Variants in TMCC3 observed in about 807,000 individuals in gnomAD.
TMCC3 encodes the protein transmembrane and coiled-coil domain protein 3.
A neutral mutation model predicts 40.2 loss-of-function variants in TMCC3; 28 were observed. That is an observed-to-expected ratio of 0.70 (90% CI 0.52 to 0.95). TMCC3 has a LOEUF of 0.95. Ranked by LOEUF, TMCC3 falls within the 40% of genes least tolerant of loss-of-function variation. The pLI is 0.00. For synonymous variants in TMCC3, 255 were observed against 248.5 expected (o/e 1.03, Z -0.25); for missense variants, 554 against 615.2 (o/e 0.90, Z 1.05).
At chr12:94,602,003 T>C (rs556501598) in intron 1 of TMCC3, among the ~76,000 whole-genome samples, 22 of 152,258 alleles carry the variant, frequency 1.4e-4, no homozygotes, top group African/African-American at 5.3e-4. Context: ...TATAAAGTGA[T>C]AGTTGTTACT....
chr12:94,591,255 T>C (rs2068673482), intron 1 of TMCC3, among the ~76,000 whole-genome samples: 1 of 152,212 alleles, frequency 6.6e-6, no homozygotes. Context: ...CTCCCACTCC[T>C]GAAATGAATT....
intron 3 of TMCC3, among the ~76,000 whole-genome samples, chr12:94,576,048 G>A (rs1055016691): frequency 2.0e-5 from 3 of 152,116 alleles, no homozygotes; most frequent in Non-Finnish European, 4.4e-5. Flanking sequence ...AAAGTGCTGC[G>A]ATTATAGGCA....
chr12:94,597,155 ATATGTATATAAAT>A (rs2068721995), intron 1 of TMCC3, among the ~76,000 whole-genome samples: 9 of 14,316 alleles, frequency 6.3e-4, no homozygotes, highest in Non-Finnish European at 1.2e-3. Flanking sequence ...ATATATATAT[ATATGTATATAAAT>A]TAGCCAGGCC....
intron 1 of TMCC3, among the ~76,000 whole-genome samples, chr12:94,588,799 C>T (rs945211423): frequency 6.6e-6 from 1 of 151,116 alleles, no homozygotes; most frequent in Non-Finnish European, 1.5e-5. Flanking sequence ...AACACAAATT[C>T]GTAAACTTTC....
intron 1 of TMCC3, among the ~76,000 whole-genome samples, chr12:94,611,942 A>G (rs533011071): frequency 6.6e-6 from 1 of 152,310 alleles, no homozygotes; most frequent in East Asian, 1.9e-4. Context: ...GACTGTTTAC[A>G]TATAGTTCAT....
intron 1 of TMCC3, among the ~76,000 whole-genome samples, chr12:94,604,869 G>A (rs1566325494): frequency 6.6e-6 from 1 of 151,748 alleles, no homozygotes; most frequent in African/African-American, 2.4e-5. Context: ...AATAAGCAGG[G>A]GGCTTCAATG....
chr12:94,644,902 A>G (rs2069009827), intron 1 of TMCC3, among the ~76,000 whole-genome samples: 1 of 152,230 alleles, frequency 6.6e-6, no homozygotes, highest in African/African-American at 2.4e-5. Flanking sequence ...TTGTAGATGG[A>G]TTTCCAAACC....
In TMCC3 at chr12:94,650,332, C is replaced by T. The variant is rs1443403771; in HGVS notation, c.78+21G>A. 3 of 1,265,424 alleles carry T rather than the reference C, an allele frequency of 2.4e-6. No homozygotes were observed. In the African/African-American group the frequency reaches 4.7e-5, roughly 20 times the overall value. 78.4% of individuals were successfully genotyped at this position (1,265,424 alleles called of 1,614,324 possible). ...CCCCGGGCCCGCGCGCACCCGCCGC[C>T]CCCCAGCCCGCTGCGCTCACCCGGC... On this transcript the variant is annotated intron_variant, in intron 1 of 3. Coordinates refer to ENST00000261226, the MANE Select transcript of TMCC3 (RefSeq NM_020698.4).
chr12:94,623,308 T>C (rs1338568266), intron 1 of TMCC3, among the ~76,000 whole-genome samples: 1 of 152,016 alleles, frequency 6.6e-6, no homozygotes, highest in Non-Finnish European at 1.5e-5. Flanking sequence ...GTTGAGTGCC[T>C]ACCATGAGCT....
chr12:94,646,737 C>CA (rs112417486), intron 1 of TMCC3, among the ~76,000 whole-genome samples: 3 of 131,804 alleles, frequency 2.3e-5, no homozygotes, highest in East Asian at 4.2e-4. Flanking sequence ...CCGTGCCTGG[C>CA]TTTTTTTTTT....
intron 3 of TMCC3, among the ~76,000 whole-genome samples, chr12:94,575,425 T>A (rs12426949): frequency 0.4 from 60,326 of 152,030 alleles, 12,525 homozygotes; most frequent in Non-Finnish European, 0.44. Flanking sequence ...AATATTTCCA[T>A]TTTATTAAGG....
At chr12:94,582,993 TTA>T (rs2068615714) in intron 1 of TMCC3, among the ~76,000 whole-genome samples, 2 of 22,356 alleles carry the variant, frequency 8.9e-5, no homozygotes, top group African/African-American at 1.6e-3. Flanking sequence ...TTTTTTTTTT[TTA>T]AAAAAGAAAG....
intron 1 of TMCC3, among the ~76,000 whole-genome samples, chr12:94,623,530 T>A (rs557523002): frequency 1.1e-4 from 17 of 152,276 alleles, no homozygotes; most frequent in Non-Finnish European, 1.9e-4. Context: ...CATTTTGTTA[T>A]GCTTCTTATT....
chr12:94,593,735 G>GA (rs1448494401), intron 1 of TMCC3, among the ~76,000 whole-genome samples: 13 of 152,018 alleles, frequency 8.6e-5, no homozygotes. Context: ...AGGAAACAGT[G>GA]GTAATCTCCT....
At chr12:94,609,394 G>A (rs1431102415) in intron 1 of TMCC3, among the ~76,000 whole-genome samples, 2 of 151,790 alleles carry the variant, frequency 1.3e-5, no homozygotes, top group Non-Finnish European at 2.9e-5. Flanking sequence ...AAAACCCAGA[G>A]GTTCCTTCAG....
chr12:94,580,446 T>C (rs1346880689), intron 2 of TMCC3, among the ~76,000 whole-genome samples: 1 of 152,098 alleles, frequency 6.6e-6, no homozygotes, highest in Non-Finnish European at 1.5e-5. Flanking sequence ...AAAAAATACA[T>C]TACATAGGCT....
At chr12:94,646,235 G>C (rs1035920722) in intron 1 of TMCC3, among the ~76,000 whole-genome samples, 12 of 152,104 alleles carry the variant, frequency 7.9e-5, no homozygotes, top group Admixed American at 7.9e-4. Context: ...GAAAGGTGCG[G>C]TGGTATTGCT....
chr12:94,617,685 G>C (rs948966256), intron 1 of TMCC3, among the ~76,000 whole-genome samples: 2 of 152,210 alleles, frequency 1.3e-5, no homozygotes, highest in African/African-American at 4.8e-5. Flanking sequence ...TGGGGGACCA[G>C]GGGTTTCCTG....
chr12:94,578,521 C>G lies in TMCC3; in HGVS notation c.1004G>C (p.Arg335Pro). The change falls in exon 3 of 4, where the codon CGA becomes CCA. Residue 335 changes from arginine to proline, a missense_variant. Arg to Pro is a moderately radical substitution (Grantham distance 103, BLOSUM62 -2). Coordinates refer to ENST00000261226, the MANE Select transcript of TMCC3 (RefSeq NM_020698.4). ...TLQEERYRYE[R>P]LEDQLHDLTD... The stretch of plus-strand genomic sequence containing the variant: ...CAGGTCATGCAGCTGGTCCTCCAGT[C>G]GCTCATACCTTTAAAAGAGAGGAGC... 2 of 1,613,572 alleles carry G rather than the reference C, an allele frequency of 1.2e-6. No individual in the cohort carries two copies. Among genetic ancestry groups the G allele is most frequent in the East Asian group, 2.2e-5 (1 of 44,862 alleles).
Sources: allele counts gnomAD v4.1 joint callset (sites outside exome capture counted in the v4.1 genomes callset), GRCh38; gene constraint gnomAD v4.1.1; transcripts MANE v1.5; gene names NCBI Gene and HGNC (gene_info 2026-07-23, HGNC 2026-07-21).